The following SLIT2 variants were observed in gnomAD, a reference collection of about 807,000 sequenced individuals.
SLIT2 encodes slit homolog 2 protein.
SLIT2 carries 41 observed loss-of-function variants against 185.7 expected under a neutral mutation model. The ratio of observed to expected loss-of-function variants is 0.22; its 90% CI spans 0.17 to 0.29. The LOEUF (loss-of-function observed/expected upper bound fraction) is 0.29. Ranked by LOEUF, SLIT2 falls within the 10% of genes least tolerant of loss-of-function variation. SLIT2 has a pLI of 1.00. For synonymous variants in SLIT2, 693 were observed against 680.2 expected, an observed-to-expected ratio of 1.02 and a Z score of -0.29; for missense variants, 1,571 against 1,909.0, an observed-to-expected ratio of 0.82 and a Z score of 3.30.
chr4:20,590,184 C>G (rs1247318151), intron 30 of SLIT2, among the ~76,000 whole-genome samples: 1 of 152,094 alleles, frequency 6.6e-6, no homozygotes, highest in East Asian at 1.9e-4. Context: ...GGATTACAGG[C>G]GTGAGCCACC....
intron 29 of SLIT2, 186 bp downstream of exon 29, chr4:20,569,190 A>G (rs546875463): frequency 6.8e-6 from 4 of 587,232 alleles, no homozygotes; most frequent in Middle Eastern, 4.7e-4. Flanking sequence ...TAAAAGACCC[A>G]GGAATCTCTG....
At chr4:20,374,468 A>G (rs889147814) in intron 4 of SLIT2, among the ~76,000 whole-genome samples, 4 of 152,044 alleles carry the variant, frequency 2.6e-5, no homozygotes, top group African/African-American at 4.8e-5. Flanking sequence ...TGGCATTTAA[A>G]TGGCCTGCTT....
chr4:20,442,520 T>A (rs1729840167), intron 4 of SLIT2, among the ~76,000 whole-genome samples: 1 of 96,918 alleles, frequency 1.0e-5, no homozygotes, highest in African/African-American at 4.4e-5. Context: ...GGAGACTCTG[T>A]CTCAAAAAAA....
chr4:20,542,682 T>A, intron 21 of SLIT2, 56 bp downstream of exon 21: 2 of 1,579,984 alleles, frequency 1.3e-6, no homozygotes, highest in Non-Finnish European at 1.7e-6. Context: ...AAATGTTTCA[T>A]ACACCCAGAG....
At chr4:20,438,981 A>G (rs1293378543) in intron 4 of SLIT2, among the ~76,000 whole-genome samples, 1 of 152,092 alleles carries the variant, frequency 6.6e-6, no homozygotes, top group Non-Finnish European at 1.5e-5. Context: ...TATATTGTTT[A>G]CTTATCTGCT....
At chr4:20,271,502 T>C (rs1419731864) in intron 4 of SLIT2, among the ~76,000 whole-genome samples, 1 of 146,972 alleles carries the variant, frequency 6.8e-6, no homozygotes, top group East Asian at 2.0e-4. Context: ...TATATATATA[T>C]ATATAGCAAG....
chr4:20,549,104 A>G lies in SLIT2; in HGVS notation c.2465A>G (p.Asp822Gly). Reference protein sequence around the residue: ...RLRCIPPRTFDGLKSLRLLSL... With the variant: ...RLRCIPPRTFGGLKSLRLLSL... ...AGATGTATTCCTCCTCGCACCTTTG[A>G]TGGATTAAAGTCTCTTCGATTACTG... Residue 822 changes from aspartate to glycine, a missense_variant, in exon 24 of 37, where the codon GAT becomes GGT. Around this residue, in one of 3 missense-constraint regions of SLIT2, gnomAD observed 1,202 missense variants for 1,416.4 expected, o/e 0.85. Coordinates refer to ENST00000504154, the MANE Select transcript of SLIT2 (RefSeq NM_004787.4). 1 of 1,596,992 alleles carries G rather than the reference A, an allele frequency of 6.3e-7. No individual in the cohort carries two copies. The highest frequency in any genetic ancestry group is 8.6e-7 in the Non-Finnish European group (1 of 1,165,008).
In SLIT2 at chr4:20,539,443, T is replaced by C. The variant is rs998431305; in HGVS notation, c.1835T>C (p.Met612Thr). 6.2e-7 allele frequency: 1 copy of C among 1,610,718 alleles called. No individual in the cohort carries two copies. Among genetic ancestry groups the C allele is most frequent in the African/African-American group, 1.3e-5 (1 of 74,756 alleles). ...FKGLESLKTLMLRSNRITCVG... is the reference protein window; with the variant it reads ...FKGLESLKTLTLRSNRITCVG... ...CAATGTCCTTTTTTTCCCCTCAGGA[T>C]GTTGAGAAGCAATCGAATAACCTGT... The change falls in exon 19 of 37, where the codon ATG becomes ACG. Residue 612 changes from methionine to threonine, a missense_variant and splice_region_variant. Transcript: ENST00000504154.
chr4:20,412,534 A>G (rs1727338348), intron 4 of SLIT2, among the ~76,000 whole-genome samples: 1 of 152,122 alleles, frequency 6.6e-6, no homozygotes, highest in Non-Finnish European at 1.5e-5. Flanking sequence ...TCATATTTAT[A>G]CTGTAAACTA....
intron 4 of SLIT2, among the ~76,000 whole-genome samples, chr4:20,285,550 C>CTTTTAT (rs5856554): frequency 0.23 from 34,128 of 151,604 alleles, 4,958 homozygotes; most frequent in East Asian, 0.6. Context: ...GCACTTTACT[C>CTTTTAT]TTTTATTTTT....
chr4:20,577,481 T>TGCAC (rs1726171463), intron 29 of SLIT2, among the ~76,000 whole-genome samples: 1 of 152,218 alleles, frequency 6.6e-6, no homozygotes, highest in African/African-American at 2.4e-5. Context: ...TTGCACCTAT[T>TGCAC]GCACACAAAG....
intron 33 of SLIT2, among the ~76,000 whole-genome samples, chr4:20,600,702 A>T (rs1428958951): frequency 6.6e-6 from 1 of 151,984 alleles, no homozygotes; most frequent in Non-Finnish European, 1.5e-5. Flanking sequence ...CTGCAAGCCC[A>T]TGTTTCTGGT....
At chr4:20,339,929 A>T (rs893433715) in intron 4 of SLIT2, among the ~76,000 whole-genome samples, 1 of 152,188 alleles carries the variant, frequency 6.6e-6, no homozygotes, top group African/African-American at 2.4e-5. Context: ...TTGTCAAATT[A>T]ATCTAAGGAT....
chr4:20,380,946 C>T (rs1724456111), intron 4 of SLIT2, among the ~76,000 whole-genome samples: 1 of 151,986 alleles, frequency 6.6e-6, no homozygotes, highest in Non-Finnish European at 1.5e-5. Context: ...AAAACCATAA[C>T]CAAAGCACAT....
intron 26 of SLIT2, among the ~76,000 whole-genome samples, chr4:20,557,990 T>C (rs1724399188): frequency 6.6e-6 from 1 of 152,062 alleles, no homozygotes; most frequent in African/African-American, 2.4e-5. Context: ...ACTGAATTGC[T>C]GCAGTCTCAT....
intron 29 of SLIT2, among the ~76,000 whole-genome samples, chr4:20,574,212 C>T (rs1725873426): frequency 6.6e-6 from 1 of 151,934 alleles, no homozygotes. Context: ...CCTCAATCTC[C>T]CCAAGTGCTG....
intron 11 of SLIT2, among the ~76,000 whole-genome samples, chr4:20,516,625 G>T (rs1010692520): frequency 1.3e-5 from 2 of 151,428 alleles, no homozygotes; most frequent in African/African-American, 4.9e-5. Flanking sequence ...ATAGATTTTG[G>T]CCCTATTTCC....
chr4:20,412,049 A>C lies in SLIT2; in HGVS notation c.396-55703A>C, dbSNP rs982399664. 2.0e-5 allele frequency among the ~76,000 whole-genome samples: 3 copies of C among 152,156 alleles called. No homozygotes were observed. In the South Asian group the frequency reaches 6.2e-4, roughly 32 times the overall value. ...TCTTTCGTTTTATACTATTTTGGAT[A>C]TGGGCTTTGGAAGACAATATTTTCA... On this transcript the variant is annotated intron_variant, in intron 4 of 36. Transcript: ENST00000504154.
At chr4:20,418,852 T>C (rs1181983612) in intron 4 of SLIT2, among the ~76,000 whole-genome samples, 1 of 151,990 alleles carries the variant, frequency 6.6e-6, no homozygotes, top group African/African-American at 2.4e-5. Flanking sequence ...AGAAAACAAA[T>C]GTGAAAGGAT....
Sources: allele counts gnomAD v4.1 joint callset (sites outside exome capture counted in the v4.1 genomes callset), GRCh38; gene constraint gnomAD v4.1.1; regional missense constraint gnomAD v4.1.1; transcripts MANE v1.5; gene names NCBI Gene and HGNC (gene_info 2026-07-23, HGNC 2026-07-21).